Variants in ADAMTS14 observed in about 807,000 individuals in gnomAD.
ADAMTS14 encodes A disintegrin and metalloproteinase with thrombospondin motifs 14.
Under a neutral mutation model 128.6 loss-of-function variants are expected in ADAMTS14, and 100 were observed. That is an observed-to-expected ratio of 0.78 (90% CI 0.66 to 0.92). The LOEUF is 0.92. ADAMTS14 is among the 40% of genes least tolerant of loss of function. The pLI is 0.00. For missense variants in ADAMTS14, 1,562 were observed against 1,658.6 expected (o/e 0.94, Z 1.01); for synonymous variants, 665 against 653.8 (o/e 1.02, Z -0.26).
chr10:70,749,734 AC>A, intron 15 of ADAMTS14, 87 bp from the exon 16 acceptor site: 1 of 1,474,346 alleles, frequency 6.8e-7, no homozygotes, highest in Non-Finnish European at 9.2e-7. Context: ...CAGAAGGCTC[AC>A]TGGGAAGGCC....
intron 2 of ADAMTS14, among the ~76,000 whole-genome samples, chr10:70,688,418 A>C (rs1363210815): frequency 1.3e-5 from 1 of 78,108 alleles, no homozygotes; most frequent in Admixed American, 1.4e-4. Context: ...CTCACATCCC[A>C]GACGATGGGC....
At chr10:70,727,238 C>T (rs1458179589) in intron 4 of ADAMTS14, among the ~76,000 whole-genome samples, 1 of 152,214 alleles carries the variant, frequency 6.6e-6, no homozygotes, top group Non-Finnish European at 1.5e-5. Context: ...AAGGGGTATG[C>T]CAGCAAAGCG....
intron 14 of ADAMTS14, among the ~76,000 whole-genome samples, chr10:70,744,693 C>T (rs1842121701): frequency 6.6e-6 from 1 of 152,182 alleles, no homozygotes; most frequent in African/African-American, 2.4e-5. Context: ...GTCCTTCACA[C>T]TTTAGTATAA....
chr10:70,682,775 A>C (rs972195119), intron 2 of ADAMTS14, among the ~76,000 whole-genome samples: 10 of 151,712 alleles, frequency 6.6e-5, no homozygotes, highest in Non-Finnish European at 1.0e-4. Context: ...GGGCACACAG[A>C]GCCCGTGTTG....
intron 2 of ADAMTS14, among the ~76,000 whole-genome samples, chr10:70,686,216 T>C (rs1168607540): frequency 6.6e-6 from 1 of 151,760 alleles, no homozygotes; most frequent in African/African-American, 2.4e-5. Context: ...TAGGACCAAG[T>C]TGGTCTGAAT....
chr10:70,704,169 C>A (rs905177707), intron 3 of ADAMTS14, among the ~76,000 whole-genome samples: 1 of 152,156 alleles, frequency 6.6e-6, no homozygotes, highest in Non-Finnish European at 1.5e-5. Flanking sequence ...AGGCTGGGGA[C>A]CTTCACATCT....
At chr10:70,712,561 A>G (rs1455850771) in intron 4 of ADAMTS14, among the ~76,000 whole-genome samples, 1 of 152,204 alleles carries the variant, frequency 6.6e-6, no homozygotes, top group East Asian at 1.9e-4. Context: ...TTTATAATGA[A>G]TGTGCAAAAG....
intron 10 of ADAMTS14, among the ~76,000 whole-genome samples, chr10:70,737,188 C>G (rs1219866133): frequency 6.6e-6 from 1 of 152,152 alleles, no homozygotes; most frequent in East Asian, 1.9e-4. Flanking sequence ...GTGTGTCCTG[C>G]CTACTCCCCC....
chr10:70,711,815 C>G (rs887325385), intron 4 of ADAMTS14, among the ~76,000 whole-genome samples: 7 of 152,084 alleles, frequency 4.6e-5, no homozygotes, highest in Non-Finnish European at 7.4e-5. Context: ...AAGCGGGTGG[C>G]CGGCACCCAT....
At chr10:70,702,174 C>T in intron 2 of ADAMTS14, 138 bp from the exon 3 acceptor site, 1 of 1,247,716 alleles carries the variant, frequency 8.0e-7, no homozygotes, top group Non-Finnish European at 1.1e-6. Flanking sequence ...AATCCCAGGG[C>T]TCCTCAAGGT....
intron 4 of ADAMTS14, among the ~76,000 whole-genome samples, chr10:70,721,816 G>A (rs539095369): frequency 6.6e-6 from 1 of 152,374 alleles, no homozygotes; most frequent in East Asian, 1.9e-4. Context: ...AGTCCTCAGT[G>A]TGTGACCTTT....
chr10:70,711,488 T>C (rs1377849167), intron 4 of ADAMTS14, among the ~76,000 whole-genome samples: 3 of 152,246 alleles, frequency 2.0e-5, no homozygotes, highest in Admixed American at 2.0e-4. Context: ...CCCCAGTTTG[T>C]GTCTGCTACA....
At chr10:70,693,838 G>A (rs1474943080) in intron 2 of ADAMTS14, among the ~76,000 whole-genome samples, 1 of 152,196 alleles carries the variant, frequency 6.6e-6, no homozygotes, top group Non-Finnish European at 1.5e-5. Flanking sequence ...ACTCTCTCCA[G>A]CTGGCAGAGG....
At chr10:70,745,453 T>G in intron 15 of ADAMTS14, 147 bp downstream of exon 15, 1 of 857,204 alleles carries the variant, frequency 1.2e-6, no homozygotes, top group Non-Finnish European at 1.9e-6. Flanking sequence ...TTTCATTTTA[T>G]TTTAAATTTA....
At chr10:70,743,436 C>T (rs1842066514) in intron 12 of ADAMTS14, 112 bp from the exon 13 acceptor site, 1 of 1,334,808 alleles carries the variant, frequency 7.5e-7, no homozygotes. Flanking sequence ...CAGTGCTCCC[C>T]CAACTGTCCA....
intron 15 of ADAMTS14, among the ~76,000 whole-genome samples, chr10:70,749,597 G>A (rs1048275490): frequency 7.8e-6 from 1 of 128,848 alleles, no homozygotes; most frequent in African/African-American, 2.9e-5. Context: ...CTAGGATCCA[G>A]AGGCAGCAAG....
intron 19 of ADAMTS14, among the ~76,000 whole-genome samples, chr10:70,756,588 G>T (rs1170432147): frequency 6.6e-6 from 1 of 152,170 alleles, no homozygotes; most frequent in Non-Finnish European, 1.5e-5. Context: ...AAGGTTGGGG[G>T]TTTTATTAGA....
rs771428384 is a variant in ADAMTS14, at chr10:70,760,819, G to T, written c.3638G>T (p.Gly1213Val). The change falls in exon 22 of 22, where the codon GGC becomes GTC. Residue 1213 changes from glycine (G) to valine (V), a missense_variant. By Grantham distance (109) the Gly-to-Val change is moderately radical. Coordinates refer to ENST00000373207, the MANE Select transcript of ADAMTS14 (RefSeq NM_080722.4). ...CCTGGAGAAGACCTGAGACATCCCG[G>T]CACCAGCCTCCCTGCTGCCTCCCCG... ...GQPGEDLRHP[G>V]TSLPAASPVT 3 of 1,587,774 alleles carry T rather than the reference G, an allele frequency of 1.9e-6. No homozygotes were observed. The highest frequency in any genetic ancestry group is 2.3e-5 in the South Asian group (2 of 87,700).
chr10:70,740,839 C>T (rs1841972472), intron 11 of ADAMTS14, 148 bp from the exon 12 acceptor site: 1 of 805,140 alleles, frequency 1.2e-6, no homozygotes, highest in East Asian at 2.7e-5. Context: ...AGCCCCCACC[C>T]TGGGAGCCAT....
Sources: allele counts gnomAD v4.1 joint callset (sites outside exome capture counted in the v4.1 genomes callset), GRCh38; gene constraint gnomAD v4.1.1; transcripts MANE v1.5; gene names NCBI Gene and HGNC (gene_info 2026-07-23, HGNC 2026-07-21).